Variants in NELL2 observed in about 807,000 individuals in gnomAD.
NELL2 encodes the protein protein kinase C-binding protein NELL2.
Under a neutral mutation model 109.6 loss-of-function variants are expected in NELL2, and 41 were observed. That is an observed-to-expected ratio of 0.37 (90% confidence interval 0.29 to 0.49). The LOEUF is 0.49. Among genes scored for constraint, NELL2 ranks in the 20% least tolerant of loss-of-function variants. The pLI is 0.98. For missense variants in NELL2, 900 were observed against 1,008.3 expected (o/e 0.89, Z 1.45); for synonymous variants, 355 against 344.7 (o/e 1.03, Z -0.33).
rs917184549 is a variant in NELL2 at position 44,532,789 on chromosome 12, C to T, written c.1664-68G>A. On this transcript the variant is annotated intron_variant, in intron 15 of 19. Transcript: ENST00000429094. ...TGAAAGAAACTAGAATATTCTGCTA[C>T]AAGGCTACTAAAATTTTTAATGCCA... The T allele has an allele frequency of 2.8e-6, 4 of 1,450,686 alleles. No homozygotes were observed. In the African/African-American group the frequency reaches 4.3e-5, roughly 16 times the overall value. 89.9% of individuals were successfully genotyped at this position (1,450,686 alleles called of 1,614,324 possible).
chr12:44,779,802 C>T, intron 4 of NELL2, 43 bp from the exon 5 acceptor site: 1 of 1,613,274 alleles, frequency 6.2e-7, no homozygotes, highest in Non-Finnish European at 8.5e-7. Context: ...AGTAGACAGT[C>T]ATTTCTTAGA....
At chr12:44,742,420 C>T (rs187887777) in intron 9 of NELL2, among the ~76,000 whole-genome samples, 131 of 152,316 alleles carry the variant, frequency 8.6e-4, no homozygotes, top group African/African-American at 2.7e-3. Context: ...TCCAAAGGAA[C>T]GCAGCTCCTC....
At chr12:44,617,469 C>A (rs1253506617) in intron 13 of NELL2, among the ~76,000 whole-genome samples, 5 of 106,260 alleles carry the variant, frequency 4.7e-5, no homozygotes, top group South Asian at 4.5e-4. Context: ...GGGCGGATCA[C>A]GAGGTCAGGA....
intron 1 of NELL2, among the ~76,000 whole-genome samples, chr12:44,896,369 C>A (rs1945592694): frequency 2.6e-5 from 4 of 152,170 alleles, no homozygotes; most frequent in Admixed American, 2.6e-4. Flanking sequence ...TGGGAAATTT[C>A]TAACATCTCC....
chr12:44,638,012 CA>C (rs982741097), intron 13 of NELL2, among the ~76,000 whole-genome samples: 1 of 152,018 alleles, frequency 6.6e-6, no homozygotes, highest in African/African-American at 2.4e-5. Context: ...AGCCCTTTGT[CA>C]GATTCCCTCA....
At chr12:44,847,449 T>G (rs900433984) in intron 2 of NELL2, among the ~76,000 whole-genome samples, 1 of 152,142 alleles carries the variant, frequency 6.6e-6, no homozygotes, top group Non-Finnish European at 1.5e-5. Flanking sequence ...TATTTTCTTA[T>G]GTGTAACAGG....
chr12:44,584,943 T>C (rs1944442505), intron 15 of NELL2, among the ~76,000 whole-genome samples: 2 of 152,364 alleles, frequency 1.3e-5, no homozygotes, highest in East Asian at 1.9e-4. Flanking sequence ...CACATTGTAC[T>C]TTCTAATGAC....
chr12:44,765,226 T>C (rs1438926843), intron 9 of NELL2, among the ~76,000 whole-genome samples: 1 of 152,242 alleles, frequency 6.6e-6, no homozygotes, highest in African/African-American at 2.4e-5. Flanking sequence ...ATATTATCTA[T>C]TGTGCTATAT....
Position 44,606,493 on chromosome 12 carries a change from T to C in NELL2, c.1663+676A>G, listed in dbSNP as rs79723296. ...ACCAAAACCACTACTAGTATGATTT[T>C]AATTAGGACTTAATACTCAAAACAT... is the stretch of plus-strand genomic sequence containing the variant. On this transcript the variant is annotated intron_variant, in intron 15 of 19. Coordinates refer to ENST00000429094, the MANE Select transcript of NELL2 (RefSeq NM_001145108.2). Among the ~76,000 whole-genome samples the C allele has an allele frequency of 1.5e-3, 224 of 152,282 alleles. 2 individuals carry two copies. In the East Asian group the frequency reaches 0.031, roughly 21 times the overall value.
intron 19 of NELL2, among the ~76,000 whole-genome samples, chr12:44,511,307 G>C (rs550458824): frequency 3.1e-4 from 47 of 152,264 alleles, no homozygotes; most frequent in African/African-American, 1.1e-3. Context: ...CCCTCCTATA[G>C]ATAACAACTA....
At chr12:44,792,277 A>T (rs1942463371) in intron 3 of NELL2, among the ~76,000 whole-genome samples, 1 of 152,172 alleles carries the variant, frequency 6.6e-6, no homozygotes, top group South Asian at 2.1e-4. Context: ...GGCAAAGAGA[A>T]GAAACAGACA....
intron 13 of NELL2, among the ~76,000 whole-genome samples, chr12:44,633,934 G>A (rs749544098): frequency 2.0e-5 from 3 of 152,040 alleles, no homozygotes; most frequent in Non-Finnish European, 4.4e-5. Context: ...TACCCTAAGA[G>A]AGAATATATT....
At chr12:44,725,272 A>T (rs1050576471) in intron 9 of NELL2, among the ~76,000 whole-genome samples, 1 of 152,214 alleles carries the variant, frequency 6.6e-6, no homozygotes, top group African/African-American at 2.4e-5. Context: ...GACAAGTGGG[A>T]TCTAACTAAA....
intron 17 of NELL2, 47 bp from the exon 18 acceptor site, chr12:44,522,223 A>C: frequency 6.4e-7 from 1 of 1,556,056 alleles, no homozygotes; most frequent in Non-Finnish European, 8.8e-7. Flanking sequence ...TCCATTTCTC[A>C]GTAACACGCA....
intron 12 of NELL2, among the ~76,000 whole-genome samples, chr12:44,672,586 C>T (rs1474529485): frequency 1.3e-5 from 2 of 152,126 alleles, no homozygotes; most frequent in Non-Finnish European, 2.9e-5. Context: ...GTTAATTGAA[C>T]TCATAAGTAT....
intron 12 of NELL2, among the ~76,000 whole-genome samples, chr12:44,703,265 T>C (rs1482178236): frequency 1.3e-5 from 2 of 152,202 alleles, no homozygotes; most frequent in African/African-American, 2.4e-5. Context: ...ACTGGAGCTA[T>C]TTACTAAATA....
At chr12:44,782,903 C>G (rs2408053) in intron 3 of NELL2, among the ~76,000 whole-genome samples, 1 of 151,802 alleles carries the variant, frequency 6.6e-6, no homozygotes. Context: ...CCACTCAACA[C>G]TTATAGAACA....
chr12:44,598,464 A>G (rs1328337164), intron 15 of NELL2, among the ~76,000 whole-genome samples: 1 of 152,122 alleles, frequency 6.6e-6, no homozygotes, highest in Non-Finnish European at 1.5e-5. Flanking sequence ...CTCCTCATTT[A>G]CATTCTCTCA....
intron 1 of NELL2, among the ~76,000 whole-genome samples, chr12:44,907,155 C>A (rs912124155): frequency 6.6e-6 from 1 of 152,092 alleles, no homozygotes; most frequent in African/African-American, 2.4e-5. Context: ...TTCCTAAGGC[C>A]TCCCCAGCCC....
Sources: allele counts gnomAD v4.1 joint callset (sites outside exome capture counted in the v4.1 genomes callset), GRCh38; gene constraint gnomAD v4.1.1; transcripts MANE v1.5; gene names NCBI Gene and HGNC (gene_info 2026-07-23, HGNC 2026-07-21).